Variants in AIRE observed in about 807,000 individuals in gnomAD.
AIRE encodes autoimmune polyendocrinopathy candidiasis ectodermal dystrophy protein.
AIRE carries 52 observed loss-of-function variants against 62.1 expected under a neutral mutation model. That is an observed-to-expected ratio of 0.84 (90% CI 0.67 to 1.06). The LOEUF is 1.06. Ranked by LOEUF, AIRE falls within the 50% of genes least tolerant of loss-of-function variation. AIRE has a pLI of 0.00. For synonymous variants in AIRE, 342 were observed against 321.6 expected (o/e 1.06, Z -0.68); for missense variants, 774 against 755.8 (o/e 1.02, Z -0.28).
At position 44,292,287 on chromosome 21, in the gene AIRE, T is replaced by C. The variant is rs1157822470; in HGVS notation, c.996-15T>C. 11 of 1,559,768 alleles carry C rather than the reference T, an allele frequency of 7.1e-6. No individual in the cohort carries two copies. Among genetic ancestry groups the C allele is most frequent in the Non-Finnish European group, 8.7e-6 (10 of 1,150,974 alleles). ...TCTTGTTCTGCATGTCTCTGACTGG[T>C]GGACACACGAGCAGTGGGACCTGGA... On this transcript the variant is annotated splice_polypyrimidine_tract_variant and intron_variant, in intron 8 of 13. Coordinates refer to ENST00000291582, the MANE Select transcript of AIRE (RefSeq NM_000383.4).
In AIRE at chr21:44,287,589, A is replaced by G. The variant is rs1601965137; in HGVS notation, c.536A>G (p.Asn179Ser). ...GAGCAGCAGCGCCTTCCACTCGGGA[A>G]CGGTGAGCGGGGCCCAGTGGGAGCG... ...SAEQQRLPLGNGIQTMSASVQ... is the reference protein window; with the variant it reads ...SAEQQRLPLGSGIQTMSASVQ... Residue 179 changes from asparagine (N) to serine (S), a missense_variant and splice_region_variant, in exon 4 of 14, where the codon AAC (asparagine) becomes AGC (serine). By Grantham distance (46) the Asn-to-Ser change is conservative. Coordinates refer to ENST00000291582, the MANE Select transcript of AIRE (RefSeq NM_000383.4). The surrounding 1 kb of genome is among the most constrained non-coding windows in gnomAD (Gnocchi z 4.3). 6.4e-7 allele frequency: 1 copy of G among 1,554,154 alleles called. No homozygotes were observed. The highest frequency in any genetic ancestry group is 1.9e-5 in the Admixed American group (1 of 51,374).
At position 44,298,123 on chromosome 21, in the gene AIRE, A is replaced by G. The variant is rs1324048325; in HGVS notation, c.*396A>G. 2 of 250,720 alleles carry G rather than the reference A, an allele frequency of 8.0e-6. No homozygotes were observed. Among genetic ancestry groups the G allele is most frequent in the East Asian group, 2.0e-4 (2 of 10,104 alleles). 15.5% of individuals were successfully genotyped at this position (250,720 alleles called of 1,614,324 possible). A position where few individuals can be genotyped will look rare whatever the true frequency, so the allele number is the denominator to read the frequency against. On this transcript the variant is annotated 3_prime_UTR_variant, in exon 14 of 14. Coordinates refer to ENST00000291582, the MANE Select transcript of AIRE (RefSeq NM_000383.4). Reference sequence around the variant, plus strand: ...CTCCAGTCTGGTCGGCAAGAGTGAGACTCCGTCTCAAAAACAAAACAAAAC... The same window carrying G: ...CTCCAGTCTGGTCGGCAAGAGTGAGGCTCCGTCTCAAAAACAAAACAAAAC...
Position 44,294,425 on chromosome 21 carries a change from C to G in AIRE, c.1425C>G (p.Cys475Trp), listed in dbSNP as rs766724253. The G allele has an allele frequency of 6.3e-7, 1 of 1,578,848 alleles. No individual in the cohort carries two copies. The highest frequency in any genetic ancestry group is 8.5e-7 in the Non-Finnish European group (1 of 1,170,302). ...RPGTGLRCRS[C>W]SGDVTPAPVE... ...GGACGGGCCTGCGCTGCAGATCCTG[C>G]TCAGGAGACGTGACCCCAGCCCCTG... The change falls in exon 12 of 14, where the codon TGC becomes TGG. Residue 475 changes from cysteine to tryptophan, a missense_variant. Transcript: ENST00000291582.
At chr21:44,292,641 G>C (rs984819568) in intron 9 of AIRE, among the ~76,000 whole-genome samples, 6 of 152,206 alleles carry the variant, frequency 3.9e-5, no homozygotes, top group Admixed American at 2.6e-4. Flanking sequence ...GGTCCACCCC[G>C]GGGGGCACTA....
In AIRE at chr21:44,297,612, G is replaced by A. The variant is rs780442837; in HGVS notation, c.1567-44G>A. 2.4e-5 allele frequency: 37 copies of A among 1,513,366 alleles called. 1 individual carries two copies. The South Asian group carries it at 2.6e-4, about 11-fold the overall frequency. The allele number at this position is 1,513,366 out of a possible 1,614,324, so 93.7% of individuals were successfully genotyped here. On this transcript the variant is annotated intron_variant, in intron 13 of 13. Coordinates refer to ENST00000291582, the MANE Select transcript of AIRE (RefSeq NM_000383.4). This position sits in a 1 kb window ranked among gnomAD's most constrained non-coding sequence, Gnocchi z 4.8. Reference sequence around the variant, plus strand: ...CGATGGCCATGATTCTGTGGCTGCGGCGGGGGCGCACCTGGAGGTTCTCAC... The same window carrying A: ...CGATGGCCATGATTCTGTGGCTGCGACGGGGGCGCACCTGGAGGTTCTCAC...
chr21:44,292,191 C>A (rs2040548114), intron 8 of AIRE, 111 bp from the exon 9 acceptor site: 2 of 849,070 alleles, frequency 2.4e-6, no homozygotes, highest in Admixed American at 2.0e-5. Flanking sequence ...TGCCTCGGTT[C>A]CCCCTCTGTG....
In AIRE at chr21:44,286,218, C is replaced by A; in HGVS notation, c.132+80C>A. The A allele has an allele frequency of 1.4e-6, 2 of 1,439,234 alleles. No homozygotes were observed. The highest frequency in any genetic ancestry group is 1.9e-6 in the Non-Finnish European group (2 of 1,058,884). The allele number at this position is 1,439,234 out of a possible 1,614,324, so 89.2% of individuals were successfully genotyped here. A position where few individuals can be genotyped will look rare whatever the true frequency, so the allele number is the denominator to read the frequency against. On this transcript the variant is annotated intron_variant, in intron 1 of 13. Coordinates refer to ENST00000291582, the MANE Select transcript of AIRE (RefSeq NM_000383.4). The surrounding 1 kb of genome is among the most constrained non-coding windows in gnomAD (Gnocchi z 6.0). ...CCCCGGGGAAGTTCCAGGAGGACCC[C>A]GCCCCTCCAGATCCCCAAGCCCCTC...
chr21:44,291,077 G>T lies in AIRE; in HGVS notation c.880-18G>T. ...GCACCCCAGCCCAGTCTGCATGGGC[G>T]TCTCTTGCCTGTGCCAGAAGAATGA... On this transcript the variant is annotated intron_variant, in intron 7 of 13. Transcript: ENST00000291582. 6.2e-7 allele frequency: 1 copy of T among 1,613,218 alleles called. No individual in the cohort carries two copies.
At chr21:44,291,661 G>A (rs1601967979) in intron 8 of AIRE, among the ~76,000 whole-genome samples, 1 of 152,252 alleles carries the variant, frequency 6.6e-6, no homozygotes, top group African/African-American at 2.4e-5. Flanking sequence ...AGTGGGGGCG[G>A]GAGGCCTCCT....
At position 44,287,271 on chromosome 21, in the gene AIRE, G is replaced by C; in HGVS notation, c.463+138G>C. On this transcript the variant is annotated intron_variant, in intron 3 of 13. Coordinates refer to ENST00000291582, the MANE Select transcript of AIRE (RefSeq NM_000383.4). This position sits in a 1 kb window ranked among gnomAD's most constrained non-coding sequence, Gnocchi z 4.3. ...GCCTGGGGCTGTGGGGGTCTCCTCT[G>C]GGTACTAGACCCACACACTGGACCA... The C allele has an allele frequency of 9.4e-7, 1 of 1,067,424 alleles. No individual in the cohort carries two copies. Among genetic ancestry groups the C allele is most frequent in the Non-Finnish European group, 1.4e-6 (1 of 734,292 alleles). 66.1% of individuals were successfully genotyped at this position (1,067,424 alleles called of 1,614,324 possible). A position where few individuals can be genotyped will look rare whatever the true frequency, so the allele number is the denominator to read the frequency against.
Position 44,286,589 on chromosome 21 carries a change from C to T in AIRE, c.165C>T (p.Cys55=), listed in dbSNP as rs1445653676. 6.2e-7 allele frequency: 1 copy of T among 1,612,522 alleles called. No individual in the cohort carries two copies. Among genetic ancestry groups the T allele is most frequent in the Non-Finnish European group, 8.5e-7 (1 of 1,179,736 alleles). ...TTCATCTGAAGGAAAAGGAGGGCTG[C>T]CCCCAGGCCTTCCACGCCCTCCTGT... The part of the protein sequence containing the change: ...ETLHLKEKEG[C]PQAFHALLSW... The change falls in exon 2 of 14, where the codon TGC becomes TGT. Residue 55 remains cysteine (C), a synonymous_variant. Coordinates refer to ENST00000291582, the MANE Select transcript of AIRE (RefSeq NM_000383.4). This position sits in a 1 kb window ranked among gnomAD's most constrained non-coding sequence, Gnocchi z 6.0.
intron 13 of AIRE, 129 bp downstream of exon 13, chr21:44,296,574 T>C (rs568590932): frequency 8.9e-6 from 8 of 902,220 alleles, no homozygotes; most frequent in Non-Finnish European, 1.4e-5. Flanking sequence ...ACTCAGGCTG[T>C]CCCTGCTCCA....
In AIRE at chr21:44,287,472, C is replaced by T. The variant is rs1390466624; in HGVS notation, c.464-45C>T. ...GGGCCCCTGCCCACCGGCACTCACC[C>T]CCACTGAGAGGGGAGGCCAGGCTGC... On this transcript the variant is annotated intron_variant, in intron 3 of 13. Coordinates refer to ENST00000291582, the MANE Select transcript of AIRE (RefSeq NM_000383.4). The surrounding 1 kb of genome is among the most constrained non-coding windows in gnomAD (Gnocchi z 4.3). The T allele has an allele frequency of 1.4e-6, 2 of 1,417,054 alleles. No individual in the cohort carries two copies. Among genetic ancestry groups the T allele is most frequent in the South Asian group, 2.5e-5 (2 of 81,164 alleles). 87.8% of individuals were successfully genotyped at this position (1,417,054 alleles called of 1,614,324 possible).
Position 44,287,733 on chromosome 21 carries a change from C to A in AIRE, c.538+142C>A. The A allele has an allele frequency of 1.1e-6, 1 of 909,716 alleles. No individual in the cohort carries two copies. Among genetic ancestry groups the A allele is most frequent in the Non-Finnish European group, 1.7e-6 (1 of 580,566 alleles). 56.4% of individuals were successfully genotyped at this position (909,716 alleles called of 1,614,324 possible). A position where few individuals can be genotyped will look rare whatever the true frequency, so the allele number is the denominator to read the frequency against. Reference sequence around the variant, plus strand: ...TGGTGTGTCATTCCAAGGGCCTAAGCTGCACCACCAGACCCAGGAAGGGGA... The same window carrying A: ...TGGTGTGTCATTCCAAGGGCCTAAGATGCACCACCAGACCCAGGAAGGGGA... On this transcript the variant is annotated intron_variant, in intron 4 of 13. Coordinates refer to ENST00000291582, the MANE Select transcript of AIRE (RefSeq NM_000383.4). This position sits in a 1 kb window ranked among gnomAD's most constrained non-coding sequence, Gnocchi z 4.3.
At chr21:44,292,955 C>T (rs763912496) in intron 9 of AIRE, 38 bp from the exon 10 acceptor site, 44 of 1,597,326 alleles carry the variant, frequency 2.8e-5, no homozygotes, top group South Asian at 2.1e-4. Flanking sequence ...GCCGGGCAGG[C>T]GCCCGCTGCC....
chr21:44,291,972 C>G (rs1454148703), intron 8 of AIRE, among the ~76,000 whole-genome samples: 1 of 152,214 alleles, frequency 6.6e-6, no homozygotes, highest in Non-Finnish European at 1.5e-5. Context: ...TTCCCCTTAA[C>G]AGGTGGGTCA....
At position 44,297,959 on chromosome 21, in the gene AIRE, G is replaced by T; in HGVS notation, c.*232G>T. 1 of 536,086 alleles carries T rather than the reference G, an allele frequency of 1.9e-6. No homozygotes were observed. Among genetic ancestry groups the T allele is most frequent in the Non-Finnish European group, 3.4e-6 (1 of 294,078 alleles). The allele number at this position is 536,086 out of a possible 1,614,324, so 33.2% of individuals were successfully genotyped here. A position where few individuals can be genotyped will look rare whatever the true frequency, so the allele number is the denominator to read the frequency against. On this transcript the variant is annotated 3_prime_UTR_variant, in exon 14 of 14. Transcript: ENST00000291582. The surrounding 1 kb of genome is among the most constrained non-coding windows in gnomAD (Gnocchi z 4.8). The stretch of plus-strand genomic sequence containing the variant: ...AGTCCCCGGGAGCCTCTCCTTGCCT[G>T]GTGACCTACTAAAAATATAAAAATT...
chr21:44,287,229 G>C lies in AIRE; in HGVS notation c.463+96G>C. ...CTCCCCACCCGGGCTCCCACCCACT[G>C]GGTGTGGGGCCAGCCTGCCTGGGGC... On this transcript the variant is annotated intron_variant, in intron 3 of 13. Transcript: ENST00000291582. The surrounding 1 kb of genome is among the most constrained non-coding windows in gnomAD (Gnocchi z 4.3). The C allele has an allele frequency of 6.7e-7, 1 of 1,483,174 alleles. No homozygotes were observed. Among genetic ancestry groups the C allele is most frequent in the South Asian group, 1.2e-5 (1 of 85,794 alleles). 91.9% of individuals were successfully genotyped at this position (1,483,174 alleles called of 1,614,324 possible). A position where few individuals can be genotyped will look rare whatever the true frequency, so the allele number is the denominator to read the frequency against.
At chr21:44,296,873 C>T (rs545431218) in intron 13 of AIRE, among the ~76,000 whole-genome samples, 93 of 152,286 alleles carry the variant, frequency 6.1e-4, no homozygotes, top group South Asian at 5.6e-3. Context: ...GCTTGCCCCT[C>T]CCAACTCAGG....
Sources: allele counts gnomAD v4.1 joint callset (sites outside exome capture counted in the v4.1 genomes callset), GRCh38; gene constraint gnomAD v4.1.1; non-coding constraint Gnocchi (gnomAD v3.1); transcripts MANE v1.5; gene names NCBI Gene and HGNC (gene_info 2026-07-23, HGNC 2026-07-21).